Variants in ATP8B4 observed in about 807,000 individuals in gnomAD.
ATP8B4 encodes probable phospholipid-transporting ATPase IM.
ATP8B4 carries 133 observed loss-of-function variants against 145.6 expected under a neutral mutation model. The ratio of observed to expected loss-of-function variants is 0.91; its 90% CI spans 0.79 to 1.05. The LOEUF (loss-of-function observed/expected upper bound fraction) is 1.05. Among genes scored for constraint, ATP8B4 ranks in the 50% least tolerant of loss-of-function variants. The pLI is 0.00. For synonymous variants in ATP8B4, 507 were observed against 492.9 expected, an observed-to-expected ratio of 1.03 and a Z score of -0.38; for missense variants, 1,458 against 1,425.2, an observed-to-expected ratio of 1.02 and a Z score of -0.37.
intron 14 of ATP8B4, among the ~76,000 whole-genome samples, chr15:49,950,976 G>T (rs181909681): frequency 2.0e-5 from 3 of 152,134 alleles, no homozygotes; most frequent in Non-Finnish European, 4.4e-5. Flanking sequence ...TCAGAAGCAG[G>T]TTGTTTAATT....
chr15:50,159,405 A>C (rs1417237419), intron 1 of ATP8B4, among the ~76,000 whole-genome samples: 1 of 152,198 alleles, frequency 6.6e-6, no homozygotes, highest in African/African-American at 2.4e-5. Flanking sequence ...CCGAGTCTTT[A>C]GGTTTTTCCA....
At chr15:50,151,040 T>G (rs901953709) in intron 1 of ATP8B4, among the ~76,000 whole-genome samples, 1 of 152,330 alleles carries the variant, frequency 6.6e-6, no homozygotes, top group South Asian at 2.1e-4. Flanking sequence ...CAGGTGGTTT[T>G]GTAAATTGTT....
intron 1 of ATP8B4, among the ~76,000 whole-genome samples, chr15:50,149,679 C>T (rs980030718): frequency 2.0e-5 from 3 of 152,126 alleles, no homozygotes; most frequent in African/African-American, 7.2e-5. Flanking sequence ...CAAAGAAAGA[C>T]TCTCTAAAAA....
intron 21 of ATP8B4, among the ~76,000 whole-genome samples, chr15:49,900,733 T>C (rs1159117365): frequency 6.6e-6 from 1 of 152,188 alleles, no homozygotes; most frequent in Non-Finnish European, 1.5e-5. Flanking sequence ...GCAATAATTA[T>C]AATACATCCA....
In ATP8B4 at chr15:50,106,920, G is replaced by A. The variant is rs2056711744; in HGVS notation, c.28+19C>T. ...TTTTAAAATATCACTTTGCATCATT[G>A]GAAGAACTCAAAACTTACCACGCAA... On this transcript the variant is annotated intron_variant, in intron 2 of 27. Transcript: ENST00000284509. The A allele has an allele frequency of 6.3e-7, 1 of 1,584,426 alleles. No individual in the cohort carries two copies. Among genetic ancestry groups the A allele is most frequent in the East Asian group, 2.3e-5 (1 of 44,132 alleles).
intron 3 of ATP8B4, among the ~76,000 whole-genome samples, chr15:50,066,386 T>G (rs1391182544): frequency 6.6e-6 from 1 of 152,118 alleles, no homozygotes; most frequent in African/African-American, 2.4e-5. Flanking sequence ...CAAATGCAAG[T>G]TACTGGTGCT....
chr15:49,986,454 T>C (rs554003262), intron 10 of ATP8B4, among the ~76,000 whole-genome samples: 2 of 152,366 alleles, frequency 1.3e-5, no homozygotes, highest in South Asian at 4.1e-4. Flanking sequence ...GGCTCATTTC[T>C]AGGGATTTCC....
intron 23 of ATP8B4, among the ~76,000 whole-genome samples, chr15:49,881,472 A>G (rs745461420): frequency 6.6e-6 from 1 of 152,250 alleles, no homozygotes; most frequent in Non-Finnish European, 1.5e-5. Context: ...AGTATGGGCC[A>G]GTTCCAAGAT....
At chr15:50,115,528 C>G (rs1409984208) in intron 1 of ATP8B4, among the ~76,000 whole-genome samples, 5 of 151,702 alleles carry the variant, frequency 3.3e-5, no homozygotes, top group African/African-American at 1.2e-4. Flanking sequence ...CTAAATAAAA[C>G]AAGGTAAGGA....
At chr15:49,950,203 T>C (rs977534853) in intron 14 of ATP8B4, among the ~76,000 whole-genome samples, 24 of 152,350 alleles carry the variant, frequency 1.6e-4, no homozygotes, top group African/African-American at 5.8e-4. Context: ...TCCCTCCTTT[T>C]CAATTGTTTG....
intron 14 of ATP8B4, among the ~76,000 whole-genome samples, chr15:49,942,735 G>C (rs1010251719): frequency 6.6e-6 from 1 of 152,056 alleles, no homozygotes; most frequent in Non-Finnish European, 1.5e-5. Flanking sequence ...TGAGGCAGGA[G>C]AATGGCATGA....
In ATP8B4 at chr15:50,099,925, C is replaced by T. The variant is rs560545276; in HGVS notation, c.28+7014G>A. ...TGGTGCATGCCTGTAATCCCAGCTACTTGGGAGGCTGAGGCAGGAGAATTG... is the reference window on the plus strand; with the variant it reads ...TGGTGCATGCCTGTAATCCCAGCTATTTGGGAGGCTGAGGCAGGAGAATTG... On this transcript the variant is annotated intron_variant, in intron 2 of 27. Coordinates refer to ENST00000284509, the MANE Select transcript of ATP8B4 (RefSeq NM_024837.4). Among the ~76,000 whole-genome samples the T allele has an allele frequency of 2.7e-3, 410 of 150,292 alleles. 1 individual carries two copies. Among genetic ancestry groups the T allele is most frequent in the African/African-American group, 9.6e-3 (391 of 40,902 alleles).
chr15:50,040,710 T>C (rs1166151931), intron 5 of ATP8B4, among the ~76,000 whole-genome samples: 1 of 152,214 alleles, frequency 6.6e-6, no homozygotes, highest in Non-Finnish European at 1.5e-5. Context: ...CTTCTACTTC[T>C]GCTCAGGTTT....
intron 2 of ATP8B4, among the ~76,000 whole-genome samples, chr15:50,080,329 A>G (rs970046410): frequency 6.6e-6 from 1 of 152,214 alleles, no homozygotes; most frequent in Non-Finnish European, 1.5e-5. Flanking sequence ...AATCAGTTAA[A>G]TATTAGGGAA....
intron 2 of ATP8B4, among the ~76,000 whole-genome samples, chr15:50,104,304 G>A (rs2056547662): frequency 1.3e-5 from 2 of 151,942 alleles, no homozygotes; most frequent in Non-Finnish European, 2.9e-5. Context: ...CACAGTGTAG[G>A]AGAAAAATCT....
intron 23 of ATP8B4, chr15:49,896,470 C>T (rs745640295): frequency 3.9e-5 from 6 of 152,136 alleles, no homozygotes; most frequent in Admixed American, 2.6e-4. Flanking sequence ...TCATGCATAT[C>T]GTTGAATCCA....
chr15:50,105,227 C>G (rs1245314607), intron 2 of ATP8B4, among the ~76,000 whole-genome samples: 1 of 144,792 alleles, frequency 6.9e-6, no homozygotes, highest in Non-Finnish European at 1.5e-5. Context: ...CCAAACACTA[C>G]CTATTCCCCA....
intron 2 of ATP8B4, among the ~76,000 whole-genome samples, chr15:50,081,168 A>G (rs12148444): frequency 0.69 from 104,613 of 151,074 alleles, 37,521 homozygotes; most frequent in African/African-American, 0.9. Flanking sequence ...GGACCTTGAG[A>G]CAACAAGAGC....
rs966550417 is a variant in ATP8B4 at position 49,888,393 on chromosome 15, A to C, written c.2697+8899T>G. Among the ~76,000 whole-genome samples, 144 of 152,162 alleles carry C rather than the reference A, an allele frequency of 9.5e-4. 1 individual carries two copies. Among genetic ancestry groups the C allele is most frequent in the Non-Finnish European group, 8.4e-4 (57 of 67,974 alleles). Reference sequence around the variant, plus strand: ...CAGAACTAAAGTTTTTCCAGCCTTGACAAGATAATTGCTTCCATATCACAG... The same window carrying C: ...CAGAACTAAAGTTTTTCCAGCCTTGCCAAGATAATTGCTTCCATATCACAG... On this transcript the variant is annotated intron_variant, in intron 23 of 27. Transcript: ENST00000284509.
Sources: gnomAD v4.1 joint callset for allele counts (sites outside exome capture counted in the v4.1 genomes callset) on GRCh38, gnomAD v4.1.1 for gene constraint, MANE v1.5 for transcripts, NCBI Gene and HGNC (gene_info 2026-07-23, HGNC 2026-07-21) for gene names.